SGK1: variants seen among roughly 807,000 people sequenced by gnomAD.
The protein encoded by SGK1 is serine/threonine-protein kinase Sgk1.
A neutral mutation model predicts 64.2 loss-of-function variants in SGK1; 26 were observed. That is an observed-to-expected ratio of 0.40 (90% CI 0.30 to 0.56). The LOEUF is 0.56. Among genes scored for constraint, SGK1 ranks in the 20% least tolerant of loss-of-function variants. The pLI, the probability that SGK1 is intolerant of heterozygous loss-of-function variation, is 0.38. For synonymous variants in SGK1, 265 were observed against 239.7 expected (o/e 1.11, Z -0.98); for missense variants, 519 against 645.6 (o/e 0.80, Z 2.12).
chr6:134,247,299 TAGCAACTGTGA>T (rs1178658547), intron 2 of SGK1, among the ~76,000 whole-genome samples: 1 of 152,116 alleles, frequency 6.6e-6, no homozygotes, highest in African/African-American at 2.4e-5. Flanking sequence ...ACATCCTGTG[TAGCAACTGTGA>T]AGCCTGGATT....
intron 3 of SGK1, chr6:134,177,890 A>G: frequency 6.6e-7 from 1 of 1,514,822 alleles, no homozygotes; most frequent in Non-Finnish European, 8.9e-7. Flanking sequence ...AGGCAATTTA[A>G]GTACAGGAAG....
intron 1 of SGK1, among the ~76,000 whole-genome samples, chr6:134,268,193 A>G (rs9483670): frequency 0.21 from 31,507 of 152,006 alleles, 4,377 homozygotes; most frequent in African/African-American, 0.38. Context: ...GGATTGCTTT[A>G]CTGGAGGGAG....
intron 3 of SGK1, among the ~76,000 whole-genome samples, chr6:134,205,417 G>C (rs574451184): frequency 6.6e-6 from 1 of 151,426 alleles, no homozygotes; most frequent in Non-Finnish European, 1.5e-5. Flanking sequence ...TAGACCGTAA[G>C]TCTGGTCTTT....
chr6:134,282,664 T>A (rs1333389776), intron 1 of SGK1, among the ~76,000 whole-genome samples: 4 of 149,112 alleles, frequency 2.7e-5, no homozygotes, highest in African/African-American at 5.0e-5. Context: ...AAAAAAAAAA[T>A]AAAATAAAAG....
At chr6:134,236,144 C>T (rs563759663) in intron 2 of SGK1, among the ~76,000 whole-genome samples, 94 of 151,968 alleles carry the variant, frequency 6.2e-4, no homozygotes, top group African/African-American at 2.1e-3. Context: ...GCAGGTTTGT[C>T]CCAAAATAGA....
chr6:134,177,525 A>G (rs1775264303), intron 3 of SGK1: 1 of 724,140 alleles, frequency 1.4e-6, no homozygotes, highest in South Asian at 1.9e-5. Context: ...AGACTTTTGC[A>G]TGTTTGTTTT....
chr6:134,260,888 C>A (rs1398979636), intron 2 of SGK1: 2 of 152,146 alleles, frequency 1.3e-5, no homozygotes, highest in Non-Finnish European at 2.9e-5. Flanking sequence ...CTTGGAAGAT[C>A]ACTTACAATT....
intron 1 of SGK1, among the ~76,000 whole-genome samples, chr6:134,264,401 G>C (rs1480949274): frequency 6.6e-6 from 1 of 152,072 alleles, no homozygotes; most frequent in Non-Finnish European, 1.5e-5. Context: ...TTACAGGCTT[G>C]AGCCACTGCG....
chr6:134,297,244 G>A, intron 1 of SGK1: 1 of 1,154,634 alleles, frequency 8.7e-7, no homozygotes, highest in South Asian at 1.2e-5. Context: ...CCCTCCAGCA[G>A]CTTCCTGTAG....
intron 2 of SGK1, chr6:134,261,175 T>C (rs1776761620): frequency 6.6e-6 from 1 of 152,218 alleles, no homozygotes; most frequent in Admixed American, 6.5e-5. Context: ...TGTGAGTATA[T>C]ATGAGCTTGA....
chr6:134,276,296 G>T (rs1777015883), intron 1 of SGK1, among the ~76,000 whole-genome samples: 1 of 152,192 alleles, frequency 6.6e-6, no homozygotes, highest in African/African-American at 2.4e-5. Context: ...AGCCCAACAA[G>T]GAAATCAACA....
chr6:134,249,353 AG>A (rs1776572412), intron 2 of SGK1: 1 of 152,120 alleles, frequency 6.6e-6, no homozygotes, highest in African/African-American at 2.4e-5. Context: ...TCCCCAGTTG[AG>A]CTATATTTTC....
At chr6:134,172,842 A>G (rs1179818676) in intron 8 of SGK1, 68 bp from the exon 9 acceptor site, 1 of 1,290,610 alleles carries the variant, frequency 7.7e-7, no homozygotes. Context: ...ATACACAGCA[A>G]AAGAACAACT....
At chr6:134,241,823 C>T (rs187986392) in intron 2 of SGK1, among the ~76,000 whole-genome samples, 3 of 151,350 alleles carry the variant, frequency 2.0e-5, no homozygotes, top group East Asian at 4.0e-4. Context: ...CGTTTCACCG[C>T]GTTAGCCAGG....
intron 1 of SGK1, 110 bp downstream of exon 1, chr6:134,317,282 G>A: frequency 2.6e-6 from 2 of 779,308 alleles, no homozygotes; most frequent in South Asian, 2.9e-5. Context: ...CAGAAGCACG[G>A]CTTACATTAA....
At chr6:134,258,475 C>T (rs552807723) in intron 2 of SGK1, among the ~76,000 whole-genome samples, 2 of 152,260 alleles carry the variant, frequency 1.3e-5, no homozygotes, top group African/African-American at 4.8e-5. Context: ...GAGGCCGAGG[C>T]AGGCGAATCA....
At chr6:134,229,215 G>A (rs1353960194) in intron 2 of SGK1, among the ~76,000 whole-genome samples, 1 of 152,220 alleles carries the variant, frequency 6.6e-6, no homozygotes, top group Non-Finnish European at 1.5e-5. Flanking sequence ...AGGCTTTGTC[G>A]CACATATATT....
intron 2 of SGK1, among the ~76,000 whole-genome samples, chr6:134,250,319 G>A (rs1368686065): frequency 1.3e-5 from 2 of 152,090 alleles, no homozygotes; most frequent in East Asian, 3.9e-4. Context: ...GAAAAGCGTG[G>A]TTTTCTTACG....
intron 2 of SGK1, among the ~76,000 whole-genome samples, chr6:134,243,493 C>T (rs1159423483): frequency 1.3e-5 from 2 of 152,102 alleles, no homozygotes; most frequent in African/African-American, 4.8e-5. Flanking sequence ...CCTCAGCCTC[C>T]TAAGTAGCTG....
Sources: allele counts gnomAD v4.1 joint callset (sites outside exome capture counted in the v4.1 genomes callset), GRCh38; gene constraint gnomAD v4.1.1; transcripts MANE v1.5; gene names NCBI Gene and HGNC (gene_info 2026-07-23, HGNC 2026-07-21).